The following KLC1 variants were observed in gnomAD, a reference collection of about 807,000 sequenced individuals.
KLC1 encodes the protein kinesin light chain 1, also known as kinesin 2 60/70kDa.
Under a neutral mutation model 84.2 loss-of-function variants are expected in KLC1, and 30 were observed. The ratio of observed to expected loss-of-function variants is 0.36; its 90% confidence interval spans 0.27 to 0.48. The LOEUF is 0.48. Ranked by LOEUF, KLC1 falls within the 20% of genes least tolerant of loss-of-function variation. The pLI, the probability that KLC1 is intolerant of heterozygous loss-of-function variation, is 0.99. For synonymous variants in KLC1, 289 were observed against 293.3 expected (o/e 0.99, Z 0.15); for missense variants, 499 against 805.4 (o/e 0.62, Z 4.60).
chr14:103,666,168 A>G (rs2079785085), intron 5 of KLC1, among the ~76,000 whole-genome samples: 2 of 151,914 alleles, frequency 1.3e-5, no homozygotes, highest in Non-Finnish European at 2.9e-5. Context: ...GGTTCACGCC[A>G]TTCTCCTGCC....
At position 103,692,376 on chromosome 14, in the gene KLC1, C is replaced by T; in HGVS notation, c.1799C>T (p.Ser600Phe). 1.3e-6 allele frequency: 2 copies of T among 1,536,688 alleles called. No individual in the cohort carries two copies. Among genetic ancestry groups the T allele is most frequent in the Non-Finnish European group, 8.7e-7 (1 of 1,147,034 alleles). The stretch of plus-strand genomic sequence containing the variant: ...GGTTGCAGCATGAAGCGTGCCAGCT[C>T]TCTGAATGTCCTTAACGTGGGTGGC... The part of the protein sequence containing the change: ...PKNPGMKRAS[S>F]LNVLNVGGKA... Residue 600 changes from serine to phenylalanine, a missense_variant, in exon 15 of 17, where the codon TCT becomes TTT. Transcript: ENST00000334553.
rs1177436820 is a variant in KLC1 at position 103,694,826 on chromosome 14, G to A, written c.1848+2401G>A. ...GAAGGCTGGGGACAGAGTGTCCTGA[G>A]GTTTTGTTACAAGGCTAGACTTTAA... is the stretch of plus-strand genomic sequence containing the variant. On this transcript the variant is annotated intron_variant, in intron 15 of 16. Transcript: ENST00000334553. This position sits in a 1 kb window ranked among gnomAD's most constrained non-coding sequence, Gnocchi z 4.5. 1.0e-6 allele frequency: 1 copy of A among 985,500 alleles called. No individual in the cohort carries two copies. The highest frequency in any genetic ancestry group is 4.7e-5 in the South Asian group (1 of 21,294). The allele number at this position is 985,500 out of a possible 1,614,324, so 61.0% of individuals were successfully genotyped here. A position where few individuals can be genotyped will look rare whatever the true frequency, so the allele number is the denominator to read the frequency against.
At chr14:103,641,726 C>A (rs1421095706) in intron 1 of KLC1, among the ~76,000 whole-genome samples, 2 of 151,808 alleles carry the variant, frequency 1.3e-5, no homozygotes, top group African/African-American at 2.4e-5. Context: ...CCTCAGCCTC[C>A]CAGGCTCAAT....
At chr14:103,646,054 G>A (rs1397129206) in intron 1 of KLC1, among the ~76,000 whole-genome samples, 2 of 152,116 alleles carry the variant, frequency 1.3e-5, no homozygotes, top group Admixed American at 6.6e-5. Flanking sequence ...CACCATGCCT[G>A]GCCTGGTGTT....
chr14:103,647,300 T>C (rs576708553), intron 1 of KLC1, among the ~76,000 whole-genome samples: 1 of 152,230 alleles, frequency 6.6e-6, no homozygotes, highest in East Asian at 1.9e-4. Context: ...CTCGGCTTAC[T>C]GCAACCTCCA....
At chr14:103,630,921 C>T (rs934931426) in intron 1 of KLC1, among the ~76,000 whole-genome samples, 1 of 152,114 alleles carries the variant, frequency 6.6e-6, no homozygotes, top group African/African-American at 2.4e-5. Context: ...TAACCTCTAA[C>T]CCTACTGCAG....
At position 103,694,855 on chromosome 14, in the gene KLC1, A is replaced by G. The variant is rs942623678; in HGVS notation, c.1848+2430A>G. On this transcript the variant is annotated intron_variant, in intron 15 of 16. Transcript: ENST00000334553. The surrounding 1 kb of genome is among the most constrained non-coding windows in gnomAD (Gnocchi z 4.5). The stretch of plus-strand genomic sequence containing the variant: ...TTGTTACAAGGCTAGACTTTAAAAT[A>G]CCTTTCAAAGTTTCATCCCGCCTCA... 3.0e-6 allele frequency: 3 copies of G among 985,344 alleles called. No homozygotes were observed. The highest frequency in any genetic ancestry group is 1.1e-4 in the East Asian group (1 of 8,832). 61.0% of individuals were successfully genotyped at this position (985,344 alleles called of 1,614,324 possible). A position where few individuals can be genotyped will look rare whatever the true frequency, so the allele number is the denominator to read the frequency against.
At position 103,699,563 on chromosome 14, in the gene KLC1, T is replaced by A. The variant is rs1003268022; in HGVS notation, c.1849-1092T>A. The A allele has an allele frequency of 9.3e-6, 15 of 1,612,800 alleles. No individual in the cohort carries two copies. The Admixed American group carries it at 2.2e-4, about 23-fold the overall frequency. ...TACGGGGACCTTCTTATTCACACAC[T>A]CCAACAAGGTGTCCTGTGGGGACAG... On this transcript the variant is annotated intron_variant, in intron 15 of 16. Coordinates refer to ENST00000334553, the MANE Select transcript of KLC1 (RefSeq NM_001394837.1).
intron 14 of KLC1, among the ~76,000 whole-genome samples, chr14:103,688,571 C>G (rs1179646856): frequency 5.9e-5 from 9 of 152,198 alleles, no homozygotes; most frequent in Non-Finnish European, 5.9e-5. Context: ...TGCGGGGTGG[C>G]CAGAGATGGC....
At chr14:103,695,896 T>C in intron 15 of KLC1, 2 of 985,380 alleles carry the variant, frequency 2.0e-6, no homozygotes, top group Non-Finnish European at 2.4e-6. Flanking sequence ...GAGTCCCCGA[T>C]GTTTGAACCC....
At chr14:103,700,163 T>G in intron 15 of KLC1, 1 of 200,430 alleles carries the variant, frequency 5.0e-6, no homozygotes, top group Non-Finnish European at 1.0e-5. Flanking sequence ...CACCTGGGGG[T>G]CAGGATGGGG....
At chr14:103,686,329 C>T (rs997548544) in intron 13 of KLC1, 14 of 511,514 alleles carry the variant, frequency 2.7e-5, no homozygotes, top group Middle Eastern at 9.7e-4. Flanking sequence ...GTTCATCTCA[C>T]CAAGGAGTTC....
At chr14:103,685,115 C>CCAG in intron 13 of KLC1, 2 of 1,502,950 alleles carry the variant, frequency 1.3e-6, no homozygotes, top group Non-Finnish European at 1.8e-6. Flanking sequence ...CTGGCAGGAC[C>CCAG]CAGGACGCAT....
At position 103,694,700 on chromosome 14, in the gene KLC1, G is replaced by A. The variant is rs766570960; in HGVS notation, c.1848+2275G>A. 8.1e-6 allele frequency: 8 copies of A among 985,346 alleles called. No individual in the cohort carries two copies. Among genetic ancestry groups the A allele is most frequent in the African/African-American group, 1.7e-5 (1 of 57,246 alleles). The allele number at this position is 985,346 out of a possible 1,614,324, so 61.0% of individuals were successfully genotyped here. ...CGGTCTGTGAAACACCAGCCATCCCGTGAAAGCTCAGCTTGCCACTGTCAT... is the reference window on the plus strand; with the variant it reads ...CGGTCTGTGAAACACCAGCCATCCCATGAAAGCTCAGCTTGCCACTGTCAT... On this transcript the variant is annotated intron_variant, in intron 15 of 16. Coordinates refer to ENST00000334553, the MANE Select transcript of KLC1 (RefSeq NM_001394837.1). The surrounding 1 kb of genome is among the most constrained non-coding windows in gnomAD (Gnocchi z 4.5).
rs1014925614 is a variant in KLC1 at position 103,698,377 on chromosome 14, C to T, written c.1849-2278C>T. 30 of 252,114 alleles carry T rather than the reference C, an allele frequency of 1.2e-4. No individual in the cohort carries two copies. In the East Asian group the frequency reaches 2.7e-3, roughly 23 times the overall value. The allele number at this position is 252,114 out of a possible 1,614,324, so 15.6% of individuals were successfully genotyped here. ...GTGCAGGAGGGGAGACCCTCGTGGGCACGGTCCCAAGGCTGAGGGGGTCTG... is the reference window on the plus strand; with the variant it reads ...GTGCAGGAGGGGAGACCCTCGTGGGTACGGTCCCAAGGCTGAGGGGGTCTG... On this transcript the variant is annotated intron_variant, in intron 15 of 16. Transcript: ENST00000334553.
At chr14:103,645,435 T>C (rs2077843308) in intron 1 of KLC1, among the ~76,000 whole-genome samples, 1 of 152,212 alleles carries the variant, frequency 6.6e-6, no homozygotes, top group Non-Finnish European at 1.5e-5. Flanking sequence ...CTCCCTGCCA[T>C]GCTTGTAGTG....
intron 12 of KLC1, among the ~76,000 whole-genome samples, chr14:103,678,220 A>C (rs577216392): frequency 6.6e-6 from 1 of 152,288 alleles, no homozygotes; most frequent in Admixed American, 6.5e-5. Flanking sequence ...CCGAGATTGC[A>C]CTACTGCACT....
intron 9 of KLC1, among the ~76,000 whole-genome samples, chr14:103,675,075 T>C (rs542837979): frequency 6.6e-6 from 1 of 152,294 alleles, no homozygotes; most frequent in African/African-American, 2.4e-5. Flanking sequence ...ACGCCTGTAA[T>C]CCTAACACTG....
At chr14:103,649,803 C>G (rs944028274) in intron 1 of KLC1, among the ~76,000 whole-genome samples, 5 of 151,914 alleles carry the variant, frequency 3.3e-5, no homozygotes, top group Non-Finnish European at 7.4e-5. Flanking sequence ...TCACGCCATT[C>G]TCCTGCCTCA....
Sources: allele counts gnomAD v4.1 joint callset (sites outside exome capture counted in the v4.1 genomes callset), GRCh38; gene constraint gnomAD v4.1.1; non-coding constraint Gnocchi (gnomAD v3.1); transcripts MANE v1.5; gene names NCBI Gene and HGNC (gene_info 2026-07-23, HGNC 2026-07-21).